PCSK5: variants seen among roughly 807,000 people sequenced by gnomAD.
The protein encoded by PCSK5 is prohormone convertase 5.
In PCSK5, 129 loss-of-function variants were observed where a neutral mutation model predicts 233.2. The ratio of observed to expected loss-of-function variants is 0.55; its 90% confidence interval spans 0.48 to 0.64. The LOEUF (loss-of-function observed/expected upper bound fraction) is 0.64. Among genes scored for constraint, PCSK5 ranks in the 30% least tolerant of loss-of-function variants. The pLI, the probability that PCSK5 is intolerant of heterozygous loss-of-function variation, is 0.00. For synonymous variants in PCSK5, 825 were observed against 879.2 expected, an observed-to-expected ratio of 0.94 and a Z score of 1.09; for missense variants, 2,076 against 2,430.1, an observed-to-expected ratio of 0.85 and a Z score of 3.06.
intron 35 of PCSK5, among the ~76,000 whole-genome samples, chr9:76,342,865 T>TC (rs964284883): frequency 3.3e-5 from 5 of 152,126 alleles, no homozygotes; most frequent in Admixed American, 3.3e-4. Flanking sequence ...CCTCTGCTCC[T>TC]CCCCCTCTCT....
At chr9:76,092,321 A>G (rs139412848) in intron 7 of PCSK5, among the ~76,000 whole-genome samples, 52 of 152,338 alleles carry the variant, frequency 3.4e-4, no homozygotes, top group Middle Eastern at 3.4e-3. Flanking sequence ...TGCCCAAAAG[A>G]AGACTATTGT....
At position 76,245,680 on chromosome 9, in the gene PCSK5, A is replaced by G. The variant is rs115931380; in HGVS notation, c.3142+4996A>G. Reference sequence around the variant, plus strand: ...AAGAGAAGTTTGGGGAAGTGGTTGAAAACAAAATCTTGAATTCCAGACTAA... The same window carrying G: ...AAGAGAAGTTTGGGGAAGTGGTTGAGAACAAAATCTTGAATTCCAGACTAA... On this transcript the variant is annotated intron_variant, in intron 24 of 37. Coordinates refer to ENST00000674117, the MANE Select transcript of PCSK5 (RefSeq NM_001372043.1). 9.6e-3 allele frequency among the ~76,000 whole-genome samples: 1,462 copies of G among 152,326 alleles called. 35 individuals are homozygous for G. The highest frequency in any genetic ancestry group is 0.033 in the African/African-American group (1,381 of 41,564).
chr9:76,039,790 A>G (rs968593964), intron 5 of PCSK5, among the ~76,000 whole-genome samples: 14 of 152,200 alleles, frequency 9.2e-5, no homozygotes, highest in Non-Finnish European at 1.3e-4. Context: ...GTGAAGAATA[A>G]TTTTGTCTTC....
At chr9:76,079,153 G>T (rs1418478468) in intron 7 of PCSK5, among the ~76,000 whole-genome samples, 2 of 151,754 alleles carry the variant, frequency 1.3e-5, no homozygotes, top group African/African-American at 4.8e-5. Flanking sequence ...AGGTTGGAGT[G>T]CAGTGGCGTG....
intron 35 of PCSK5, among the ~76,000 whole-genome samples, chr9:76,348,177 G>C (rs748637843): frequency 1.2e-4 from 18 of 152,174 alleles, no homozygotes; most frequent in Non-Finnish European, 1.9e-4. Flanking sequence ...GGGAGGCTAA[G>C]ACAGGTGGAT....
rs573187766 is a variant in PCSK5, at chr9:76,108,278, T to A, written c.1208+927T>A. On this transcript the variant is annotated intron_variant, in intron 9 of 37. Coordinates refer to ENST00000674117, the MANE Select transcript of PCSK5 (RefSeq NM_001372043.1). Reference sequence around the variant, plus strand: ...AAGGCCTGTTCTCTGAGGTTCTCCCTGCAGGAGGATCATAAGAAAAAGGAA... The same window carrying A: ...AAGGCCTGTTCTCTGAGGTTCTCCCAGCAGGAGGATCATAAGAAAAAGGAA... 6.3e-4 allele frequency among the ~76,000 whole-genome samples: 96 copies of A among 152,340 alleles called. 1 individual carries two copies. The highest frequency in any genetic ancestry group is 3.4e-3 in the Middle Eastern group (1 of 294).
At position 76,359,027 on chromosome 9, in the gene PCSK5, ATT is replaced by A; in HGVS notation, c.*107_*108del. On this transcript the variant is annotated 3_prime_UTR_variant, in exon 38 of 38. Coordinates refer to ENST00000674117, the MANE Select transcript of PCSK5 (RefSeq NM_001372043.1). ...ACCAGGCTGATGTGTGAGTTTTTCT[ATT>A]TGTCTTCTTTAACCATGAGTCCAAC... 1.1e-6 allele frequency: 1 copy of A among 882,610 alleles called. No individual in the cohort carries two copies. The highest frequency in any genetic ancestry group is 1.7e-6 in the Non-Finnish European group (1 of 573,634). The allele number at this position is 882,610 out of a possible 1,614,324, so 54.7% of individuals were successfully genotyped here.
chr9:75,908,909 ATCTATCTATCTATCTCTCTATCTC>A (rs1822549626), intron 1 of PCSK5, among the ~76,000 whole-genome samples: 4 of 127,794 alleles, frequency 3.1e-5, no homozygotes, highest in African/African-American at 1.2e-4. Context: ...CTATCTATCT[ATCTATCTATCTATCTCTCTATCTC>A]TCTCTCTGTC....
At chr9:76,354,983 A>G (rs1347189221) in intron 37 of PCSK5, among the ~76,000 whole-genome samples, 3 of 152,178 alleles carry the variant, frequency 2.0e-5, no homozygotes, top group Non-Finnish European at 4.4e-5. Context: ...CATTCTATGA[A>G]AGTCAGCCCA....
chr9:76,340,721 C>G (rs1020380015), intron 35 of PCSK5, among the ~76,000 whole-genome samples: 1 of 149,884 alleles, frequency 6.7e-6, no homozygotes, highest in Non-Finnish European at 1.5e-5. Flanking sequence ...CTATTAAATG[C>G]AATTTAGAGT....
chr9:76,247,445 T>C (rs1019088000), intron 24 of PCSK5, among the ~76,000 whole-genome samples: 2 of 152,182 alleles, frequency 1.3e-5, no homozygotes, highest in African/African-American at 4.8e-5. Flanking sequence ...GGATAGATGA[T>C]TGGCTATTTC....
At chr9:76,146,698 A>G (rs1823456685) in intron 10 of PCSK5, among the ~76,000 whole-genome samples, 1 of 152,120 alleles carries the variant, frequency 6.6e-6, no homozygotes, top group Admixed American at 6.6e-5. Context: ...TCTGAGGATT[A>G]TGATTGATTT....
At chr9:76,285,810 T>C (rs1417866543) in intron 24 of PCSK5, among the ~76,000 whole-genome samples, 1 of 149,942 alleles carries the variant, frequency 6.7e-6, no homozygotes, top group African/African-American at 2.5e-5. Flanking sequence ...AAGAGAATAA[T>C]AAAATTAGAA....
chr9:75,953,627 C>A (rs752064667), intron 2 of PCSK5, among the ~76,000 whole-genome samples: 5 of 148,488 alleles, frequency 3.4e-5, no homozygotes, highest in African/African-American at 9.8e-5. Flanking sequence ...GTTTTATTGG[C>A]GTGCATATGT....
intron 10 of PCSK5, among the ~76,000 whole-genome samples, chr9:76,148,932 C>A (rs563595124): frequency 7.9e-5 from 12 of 152,326 alleles, no homozygotes. Flanking sequence ...TCCAGGACCA[C>A]ACAGCTTCCT....
At chr9:76,010,146 T>C (rs1450423768) in intron 3 of PCSK5, among the ~76,000 whole-genome samples, 1 of 152,200 alleles carries the variant, frequency 6.6e-6, no homozygotes, top group Non-Finnish European at 1.5e-5. Context: ...GCAGTTATCT[T>C]GAAATCAGGA....
At chr9:76,073,718 C>T (rs1007274943) in intron 7 of PCSK5, among the ~76,000 whole-genome samples, 13 of 118,510 alleles carry the variant, frequency 1.1e-4, no homozygotes, top group South Asian at 2.7e-4. Context: ...CTCATGAATG[C>T]GCATATATAT....
chr9:76,097,311 C>T (rs1352622808), intron 8 of PCSK5, among the ~76,000 whole-genome samples: 2 of 125,410 alleles, frequency 1.6e-5, no homozygotes, highest in Non-Finnish European at 3.1e-5. Context: ...GGACTGCGGA[C>T]TGCAGTGGCG....
chr9:76,092,731 G>A (rs1412975105), intron 7 of PCSK5, among the ~76,000 whole-genome samples: 2 of 152,242 alleles, frequency 1.3e-5, no homozygotes, highest in Non-Finnish European at 2.9e-5. Context: ...GGATTGTGCA[G>A]AGTAATGTTT....
Sources: gnomAD v4.1 joint callset for allele counts (sites outside exome capture counted in the v4.1 genomes callset) on GRCh38, gnomAD v4.1.1 for gene constraint, MANE v1.5 for transcripts, NCBI Gene and HGNC (gene_info 2026-07-23, HGNC 2026-07-21) for gene names.